Variants in TMEM132D observed in about 807,000 individuals in gnomAD.
TMEM132D encodes the protein transmembrane protein 132D.
TMEM132D carries 21 observed loss-of-function variants against 62.3 expected under a neutral mutation model. The observed-to-expected ratio is 0.34, with a 90% confidence interval of 0.24 to 0.49. The LOEUF is 0.49. Ranked by LOEUF, TMEM132D falls within the 20% of genes least tolerant of loss-of-function variation. TMEM132D has a pLI of 0.99. For missense variants in TMEM132D, 1,346 were observed against 1,402.8 expected (o/e 0.96, Z 0.65); for synonymous variants, 621 against 575.6 (o/e 1.08, Z -1.13).
intron 1 of TMEM132D, among the ~76,000 whole-genome samples, chr12:129,714,632 T>G (rs1753614690): frequency 6.6e-6 from 1 of 152,228 alleles, no homozygotes; most frequent in African/African-American, 2.4e-5. Flanking sequence ...ATCAGCTTGA[T>G]TTTGGTAATA....
intron 1 of TMEM132D, among the ~76,000 whole-genome samples, chr12:129,790,044 C>T (rs943943704): frequency 7.2e-5 from 11 of 152,138 alleles, no homozygotes; most frequent in African/African-American, 2.4e-4. Context: ...CGGGCTGCTT[C>T]GACGCCAGCA....
intron 5 of TMEM132D, among the ~76,000 whole-genome samples, chr12:129,197,491 T>C (rs1479068195): frequency 6.6e-6 from 1 of 152,216 alleles, no homozygotes; most frequent in Non-Finnish European, 1.5e-5. Context: ...AATGAATCCA[T>C]GCTTGTAAAG....
At chr12:129,770,269 G>A (rs11060546) in intron 1 of TMEM132D, among the ~76,000 whole-genome samples, 3,682 of 147,764 alleles carry the variant, frequency 0.025, 226 homozygotes, top group East Asian at 0.18. Context: ...TCAGCCTCCC[G>A]AGTAGCTGGG....
intron 2 of TMEM132D, among the ~76,000 whole-genome samples, chr12:129,578,430 A>G (rs368404057): frequency 0.084 from 3,147 of 37,362 alleles, 165 homozygotes; most frequent in Admixed American, 0.33. Context: ...GTGTGTATAT[A>G]TATATATGTA....
chr12:129,224,403 A>G (rs985467961), intron 4 of TMEM132D, among the ~76,000 whole-genome samples: 1 of 152,300 alleles, frequency 6.6e-6, no homozygotes, highest in African/African-American at 2.4e-5. Context: ...CACATTTAAA[A>G]TGGGAGAAAT....
chr12:129,089,561 A>T (rs1874835330), intron 5 of TMEM132D, among the ~76,000 whole-genome samples: 2 of 149,952 alleles, frequency 1.3e-5, no homozygotes, highest in Non-Finnish European at 3.0e-5. Flanking sequence ...GTCCTCCCTG[A>T]CTGAGGTGTC....
intron 2 of TMEM132D, among the ~76,000 whole-genome samples, chr12:129,578,306 C>A (rs939876560): frequency 6.6e-6 from 1 of 151,924 alleles, no homozygotes; most frequent in Non-Finnish European, 1.5e-5. Context: ...GACTTCTCAA[C>A]CAACATGATC....
chr12:129,418,974 G>A (rs976060357), intron 3 of TMEM132D, among the ~76,000 whole-genome samples: 43 of 152,108 alleles, frequency 2.8e-4, no homozygotes, highest in South Asian at 1.0e-3. Flanking sequence ...CTGCCCCACC[G>A]CAGCCTGAGG....
intron 1 of TMEM132D, among the ~76,000 whole-genome samples, chr12:129,716,168 A>T (rs891354844): frequency 2.0e-5 from 3 of 152,234 alleles, no homozygotes; most frequent in Non-Finnish European, 4.4e-5. Context: ...GAGTAGCTTC[A>T]GACTTGCAGT....
intron 1 of TMEM132D, among the ~76,000 whole-genome samples, chr12:129,795,493 T>G (rs1255091881): frequency 6.6e-6 from 1 of 152,226 alleles, no homozygotes; most frequent in Admixed American, 6.5e-5. Flanking sequence ...CAGTATTTCG[T>G]GGTGCCAAGG....
intron 5 of TMEM132D, among the ~76,000 whole-genome samples, chr12:129,142,689 A>G (rs889942276): frequency 3.3e-5 from 5 of 152,226 alleles, no homozygotes; most frequent in African/African-American, 1.2e-4. Context: ...GGTAAGTTGG[A>G]CAAGAGACAA....
intron 4 of TMEM132D, among the ~76,000 whole-genome samples, chr12:129,245,150 C>T (rs1465272881): frequency 1.3e-5 from 2 of 152,142 alleles, no homozygotes; most frequent in Non-Finnish European, 2.9e-5. Flanking sequence ...TATCATGTAT[C>T]CATCATTATA....
chr12:129,487,496 T>C (rs1160962214), intron 3 of TMEM132D, among the ~76,000 whole-genome samples: 1 of 152,118 alleles, frequency 6.6e-6, no homozygotes, highest in Non-Finnish European at 1.5e-5. Flanking sequence ...ATTCCCACGC[T>C]TTGCTAGGAC....
At chr12:129,148,684 G>T (rs1876983430) in intron 5 of TMEM132D, among the ~76,000 whole-genome samples, 1 of 152,180 alleles carries the variant, frequency 6.6e-6, no homozygotes, top group African/African-American at 2.4e-5. Context: ...CCTGTGTGTG[G>T]TTATTTGTTA....
chr12:129,617,348 C>T (rs1878946967), intron 2 of TMEM132D, among the ~76,000 whole-genome samples: 1 of 152,232 alleles, frequency 6.6e-6, no homozygotes, highest in African/African-American at 2.4e-5. Flanking sequence ...CTCCCACCTA[C>T]TCAACCCAGT....
intron 1 of TMEM132D, among the ~76,000 whole-genome samples, chr12:129,741,931 T>C (rs1222202910): frequency 6.6e-6 from 1 of 152,154 alleles, no homozygotes; most frequent in African/African-American, 2.4e-5. Context: ...CTGAGAGACT[T>C]TTTAGGGAAA....
chr12:129,799,580 G>A (rs562344300), intron 1 of TMEM132D, among the ~76,000 whole-genome samples: 24 of 152,160 alleles, frequency 1.6e-4, no homozygotes, highest in African/African-American at 4.6e-4. Flanking sequence ...CCATAGTGAG[G>A]CACAGATGGT....
intron 2 of TMEM132D, among the ~76,000 whole-genome samples, chr12:129,532,853 A>C (rs1266512156): frequency 6.6e-6 from 1 of 152,174 alleles, no homozygotes; most frequent in East Asian, 1.9e-4. Flanking sequence ...GAATTGGAGG[A>C]ATTAAGCACA....
At chr12:129,876,055 G>A (rs535382613) in intron 1 of TMEM132D, among the ~76,000 whole-genome samples, 21 of 152,128 alleles carry the variant, frequency 1.4e-4, no homozygotes, top group East Asian at 5.8e-4. Context: ...GACTTCATTC[G>A]ACAGACCTAA....
Sources: gnomAD v4.1 joint callset for allele counts (sites outside exome capture counted in the v4.1 genomes callset) on GRCh38, gnomAD v4.1.1 for gene constraint, MANE v1.5 for transcripts, NCBI Gene and HGNC (gene_info 2026-07-23, HGNC 2026-07-21) for gene names.